The following FNBP1 variants were observed in gnomAD, a reference collection of about 807,000 sequenced individuals.
FNBP1 encodes formin binding protein 1, also known as formin-binding protein 1.
In FNBP1, 26 loss-of-function variants were observed where a neutral mutation model predicts 90.6. The observed-to-expected ratio is 0.29, with a 90% CI of 0.21 to 0.40. FNBP1 has a LOEUF of 0.40. FNBP1 is among the 10% of genes least tolerant of loss of function. FNBP1 has a pLI of 1.00. For missense variants in FNBP1, 635 were observed against 768.0 expected, an observed-to-expected ratio of 0.83 and a Z score of 2.05; for synonymous variants, 260 against 265.2, an observed-to-expected ratio of 0.98 and a Z score of 0.19.
chr9:129,920,535 C>G (rs1377135379), intron 10 of FNBP1, among the ~76,000 whole-genome samples: 1 of 152,098 alleles, frequency 6.6e-6, no homozygotes, highest in African/African-American at 2.4e-5. Context: ...CTCCTGACCT[C>G]GTGATCCACC....
intron 6 of FNBP1, among the ~76,000 whole-genome samples, chr9:129,954,119 G>A (rs2046579281): frequency 6.6e-6 from 1 of 151,816 alleles, no homozygotes; most frequent in Admixed American, 6.6e-5. Context: ...GAGTAAATAG[G>A]GGAGATATAT....
intron 1 of FNBP1, among the ~76,000 whole-genome samples, chr9:130,011,502 C>A (rs73672535): frequency 0.011 from 1,610 of 151,954 alleles, 40 homozygotes; most frequent in African/African-American, 0.037. Context: ...GAAGGCTCCA[C>A]CCTCATGGAT....
At chr9:129,984,275 A>C (rs2051778339) in intron 2 of FNBP1, among the ~76,000 whole-genome samples, 2 of 152,136 alleles carry the variant, frequency 1.3e-5, no homozygotes, top group Admixed American at 1.3e-4. Flanking sequence ...GAAAATAAAA[A>C]AAATAAAAAA....
chr9:129,904,456 A>T (rs2037582531), intron 12 of FNBP1, among the ~76,000 whole-genome samples: 1 of 152,220 alleles, frequency 6.6e-6, no homozygotes, highest in South Asian at 2.1e-4. Flanking sequence ...AATGACTGCC[A>T]GGGTTAAGGG....
chr9:130,040,878 GTC>G (rs769682186), intron 1 of FNBP1, among the ~76,000 whole-genome samples: 2 of 151,832 alleles, frequency 1.3e-5, no homozygotes, highest in Non-Finnish European at 2.9e-5. Context: ...GGCCAACTCT[GTC>G]TCACTATCTC....
At chr9:130,017,904 A>C (rs2057409109) in intron 1 of FNBP1, among the ~76,000 whole-genome samples, 2 of 133,650 alleles carry the variant, frequency 1.5e-5, no homozygotes, top group Non-Finnish European at 3.2e-5. Flanking sequence ...CCTCCCCAAT[A>C]CAACACTCTT....
At position 130,043,048 on chromosome 9, in the gene FNBP1, T is replaced by C; in HGVS notation, c.-73A>G. The C allele has an allele frequency of 8.3e-7, 1 of 1,210,752 alleles. No individual in the cohort carries two copies. The highest frequency in any genetic ancestry group is 1.6e-5 in the African/African-American group (1 of 63,660). The allele number at this position is 1,210,752 out of a possible 1,614,324, so 75.0% of individuals were successfully genotyped here. Reference sequence around the variant, plus strand: ...TGGTCCCCCTCCCCGGCGATCCCTTTGCCCCCCGAGATCCCCGCGACGGCG... The same window carrying C: ...TGGTCCCCCTCCCCGGCGATCCCTTCGCCCCCCGAGATCCCCGCGACGGCG... On this transcript the variant is annotated 5_prime_UTR_variant, in exon 1 of 17. Transcript: ENST00000446176.
chr9:129,955,940 T>A (rs1442855745), intron 6 of FNBP1, among the ~76,000 whole-genome samples: 1 of 151,992 alleles, frequency 6.6e-6, no homozygotes, highest in African/African-American at 2.4e-5. Context: ...ATCTAACTTA[T>A]TTTAATTGAA....
chr9:130,035,421 G>A (rs933874074), intron 1 of FNBP1, among the ~76,000 whole-genome samples: 3 of 151,792 alleles, frequency 2.0e-5, no homozygotes, highest in Admixed American at 1.3e-4. Context: ...GGTCTGCATC[G>A]TGATCTGATG....
chr9:130,023,079 AAAGG>A (rs560297613), intron 1 of FNBP1, among the ~76,000 whole-genome samples: 26 of 152,316 alleles, frequency 1.7e-4, no homozygotes, highest in Non-Finnish European at 3.2e-4. Context: ...ATAAGTGGTA[AAAGG>A]TACCAAAAAG....
chr9:129,980,681 A>C (rs540838261), intron 2 of FNBP1, among the ~76,000 whole-genome samples: 4 of 151,854 alleles, frequency 2.6e-5, no homozygotes, highest in African/African-American at 9.6e-5. Flanking sequence ...AAAAAAAAAA[A>C]AAAAAAACCC....
chr9:129,926,643 T>C (rs1296388999), intron 8 of FNBP1, among the ~76,000 whole-genome samples: 2 of 152,010 alleles, frequency 1.3e-5, no homozygotes, highest in East Asian at 3.9e-4. Context: ...TCCTAACACT[T>C]TGGGAGGCTG....
At position 129,903,101 on chromosome 9, in the gene FNBP1, C is replaced by T. The variant is rs533435631; in HGVS notation, c.1296-100G>A. On this transcript the variant is annotated intron_variant, in intron 12 of 16. Coordinates refer to ENST00000446176, the MANE Select transcript of FNBP1 (RefSeq NM_015033.3). Reference sequence around the variant, plus strand: ...AGGCTGGAGTGCAATGGTGCGATCTCGGCTCACTGCAACGATCTTGGCTCA... The same window carrying T: ...AGGCTGGAGTGCAATGGTGCGATCTTGGCTCACTGCAACGATCTTGGCTCA... 134 of 1,151,042 alleles carry T rather than the reference C, an allele frequency of 1.2e-4. 1 individual carries two copies. In the African/African-American group the frequency reaches 1.5e-3, roughly 13 times the overall value. The allele number at this position is 1,151,042 out of a possible 1,614,324, so 71.3% of individuals were successfully genotyped here. A position where few individuals can be genotyped will look rare whatever the true frequency, so the allele number is the denominator to read the frequency against.
chr9:130,053,879 C>T, the FNBP1 span: 3 of 1,536,628 alleles, frequency 2.0e-6, no homozygotes, highest in Admixed American at 2.0e-5. Flanking sequence ...CGGCTGCGCC[C>T]TTTCACCCCG....
rs1439891376 is a variant in FNBP1, at chr9:129,908,920, T to C, written c.1265A>G (p.Asn422Ser). 6.2e-7 allele frequency: 1 copy of C among 1,613,170 alleles called. No individual in the cohort carries two copies. Among genetic ancestry groups the C allele is most frequent in the Non-Finnish European group, 8.5e-7 (1 of 1,179,528 alleles). ...ATCCATCTCCTTCTGAATTTCTTTA[T>C]TTAACTCATCGACTTTCTGCTGCAG... ...KKLQQKVDEL[N>S]KEIQKEMDQR... The change falls in exon 12 of 17, where the codon AAT (asparagine) becomes AGT (serine). Residue 422 changes from asparagine to serine, a missense_variant. By Grantham distance (46) the Asn-to-Ser change is conservative. Coordinates refer to ENST00000446176, the MANE Select transcript of FNBP1 (RefSeq NM_015033.3).
At chr9:130,048,607 T>C in the FNBP1 span, among the ~76,000 whole-genome samples, 1 of 147,296 alleles carries the variant, frequency 6.8e-6, no homozygotes, top group East Asian at 2.2e-4. Flanking sequence ...GCCTCCCAAG[T>C]AGCTGGGACT....
At position 129,902,873 on chromosome 9, in the gene FNBP1, A is replaced by G. The variant is rs763524831; in HGVS notation, c.1424T>C (p.Phe475Ser). Residue 475 changes from phenylalanine (F) to serine (S), a missense_variant, in exon 13 of 17, where the codon TTT (phenylalanine) becomes TCT (serine). Transcript: ENST00000446176. Reference protein sequence around the residue: ...IEKLRVETQKFEAWLAEVEGR... With the variant: ...IEKLRVETQKSEAWLAEVEGR... ...TCCACAACAGAAGTTTCATACCTCA[A>G]ATTTCTGGGTCTCTACTCGCAGTTT... is the stretch of plus-strand genomic sequence containing the variant. 3 of 1,613,292 alleles carry G rather than the reference A, an allele frequency of 1.9e-6. No homozygotes were observed. Among genetic ancestry groups the G allele is most frequent in the Non-Finnish European group, 2.5e-6 (3 of 1,179,792 alleles).
chr9:130,041,400 G>GA lies in FNBP1; in HGVS notation c.24+1551dup, dbSNP rs1011403022. On this transcript the variant is annotated intron_variant, in intron 1 of 16. Transcript: ENST00000446176. This position sits in a 1 kb window ranked among gnomAD's most constrained non-coding sequence, Gnocchi z 4.3. ...ATTCCATCCACCTGTCTGAACAAGT[G>GA]AAAAAAAAATTGTGCCACAATTTCT... Among the ~76,000 whole-genome samples the GA allele has an allele frequency of 2.0e-5, 3 of 150,532 alleles. No individual in the cohort carries two copies. The highest frequency in any genetic ancestry group is 4.9e-5 in the African/African-American group (2 of 40,956).
the FNBP1 span, among the ~76,000 whole-genome samples, chr9:130,048,542 G>A: frequency 2.4e-4 from 31 of 130,990 alleles, no homozygotes; most frequent in African/African-American, 8.3e-4. Flanking sequence ...GCAGTGGCGC[G>A]ATCTCAGCTC....
Sources: gnomAD v4.1 joint callset for allele counts (sites outside exome capture counted in the v4.1 genomes callset) on GRCh38, gnomAD v4.1.1 for gene constraint, Gnocchi (gnomAD v3.1) non-coding constraint, MANE v1.5 for transcripts, NCBI Gene and HGNC (gene_info 2026-07-23, HGNC 2026-07-21) for gene names.